The following ZPLD1 variants were observed in gnomAD, a reference collection of about 807,000 sequenced individuals.
ZPLD1 encodes the protein zona pellucida like domain containing 1.
Under a neutral mutation model 47.2 loss-of-function variants are expected in ZPLD1, and 34 were observed. That is an observed-to-expected ratio of 0.72 (90% CI 0.55 to 0.96). The LOEUF is 0.96. Ranked by LOEUF, ZPLD1 falls within the 40% of genes least tolerant of loss-of-function variation. The probability of loss-of-function intolerance (pLI) is 0.00; values close to 1 mark genes in which losing one functional copy is unlikely to be tolerated. For synonymous variants in ZPLD1, 176 were observed against 186.2 expected, an observed-to-expected ratio of 0.95 and a Z score of 0.45; for missense variants, 512 against 505.8, an observed-to-expected ratio of 1.01 and a Z score of -0.12.
intron 10 of ZPLD1, among the ~76,000 whole-genome samples, chr3:102,473,888 G>C (rs1010026296): frequency 1.3e-5 from 2 of 151,924 alleles, no homozygotes; most frequent in African/African-American, 2.4e-5. Context: ...AGGTCCTGTG[G>C]CCAATTTTAT....
intron 3 of ZPLD1, 99 bp from the exon 4 acceptor site, chr3:102,452,820 C>T: frequency 1.5e-6 from 2 of 1,336,732 alleles, no homozygotes; most frequent in Non-Finnish European, 2.0e-6. Context: ...ATGAGTTAAA[C>T]AGACAAAGGA....
At chr3:102,424,197 C>T (rs977204272) in intron 8 of ZPLD1, among the ~76,000 whole-genome samples, 3 of 152,122 alleles carry the variant, frequency 2.0e-5, no homozygotes, top group Non-Finnish European at 4.4e-5. Context: ...AGAGAAAACA[C>T]TATTGTTATA....
intron 9 of ZPLD1, 125 bp from the exon 10 acceptor site, chr3:102,470,269 C>A: frequency 1.4e-6 from 1 of 696,770 alleles, no homozygotes; most frequent in Non-Finnish European, 2.5e-6. Context: ...TAAATAAATG[C>A]ACGGAAGGAA....
intron 3 of ZPLD1, among the ~76,000 whole-genome samples, chr3:102,441,245 A>G (rs1707172687): frequency 6.6e-6 from 1 of 152,232 alleles, no homozygotes; most frequent in Admixed American, 6.5e-5. Flanking sequence ...TGAAATAACT[A>G]TGACAGGAAA....
intron 1 of ZPLD1, 105 bp from the exon 2 acceptor site, chr3:102,436,755 C>A: frequency 2.7e-6 from 1 of 368,292 alleles, no homozygotes; most frequent in Non-Finnish European, 3.8e-6. Flanking sequence ...AGTGTACATT[C>A]AGTAAATGTT....
At chr3:102,467,947 T>A (rs780820875) in intron 8 of ZPLD1, among the ~76,000 whole-genome samples, 3 of 151,646 alleles carry the variant, frequency 2.0e-5, no homozygotes, top group Non-Finnish European at 4.4e-5. Flanking sequence ...CCACTTTTCT[T>A]AATACATAAA....
chr3:102,441,788 G>T (rs1260371427), intron 3 of ZPLD1, among the ~76,000 whole-genome samples: 1 of 152,060 alleles, frequency 6.6e-6, no homozygotes, highest in African/African-American at 2.4e-5. Flanking sequence ...CAAGTAAGAG[G>T]ACTTGACAGG....
chr3:102,409,343 A>C (rs1027360530), intron 7 of ZPLD1, among the ~76,000 whole-genome samples: 1 of 151,768 alleles, frequency 6.6e-6, no homozygotes, highest in African/African-American at 2.4e-5. Flanking sequence ...TCTATTTATG[A>C]GGGCAGATCC....
chr3:102,471,159 C>T (rs1234143264), intron 10 of ZPLD1, among the ~76,000 whole-genome samples: 1 of 152,146 alleles, frequency 6.6e-6, no homozygotes, highest in Non-Finnish European at 1.5e-5. Context: ...AATTTGAGTG[C>T]GCTGCAGCCT....
At chr3:102,394,774 C>T (rs1706538009) in intron 7 of ZPLD1, among the ~76,000 whole-genome samples, 1 of 152,050 alleles carries the variant, frequency 6.6e-6, no homozygotes, top group South Asian at 2.1e-4. Context: ...GATTTGGTGT[C>T]ACATTTGCAA....
At chr3:102,420,236 T>A (rs543946587) in intron 8 of ZPLD1, among the ~76,000 whole-genome samples, 59 of 152,070 alleles carry the variant, frequency 3.9e-4, no homozygotes, top group African/African-American at 1.2e-3. Flanking sequence ...TTATTGCTAA[T>A]GGAAAATGGC....
chr3:102,431,495 A>G (rs1436013790), upstream of ZPLD1, among the ~76,000 whole-genome samples: 1 of 152,220 alleles, frequency 6.6e-6, no homozygotes, highest in Admixed American at 6.5e-5. Flanking sequence ...CTTTTAATAT[A>G]TATGTTGACT....
At chr3:102,441,590 T>C (rs1442901322) in intron 3 of ZPLD1, among the ~76,000 whole-genome samples, 1 of 152,114 alleles carries the variant, frequency 6.6e-6, no homozygotes, top group African/African-American at 2.4e-5. Context: ...AACCTAGAAA[T>C]CCTCTCTGCC....
At chr3:102,429,551 A>G (rs555097956) in intron 8 of ZPLD1, among the ~76,000 whole-genome samples, 3 of 152,162 alleles carry the variant, frequency 2.0e-5, no homozygotes, top group Admixed American at 1.3e-4. Context: ...TGGGGGGGAA[A>G]GTTATATAAT....
intron 6 of ZPLD1, among the ~76,000 whole-genome samples, chr3:102,388,865 G>A (rs1706464828): frequency 6.6e-6 from 1 of 152,126 alleles, no homozygotes; most frequent in South Asian, 2.1e-4. Context: ...TTTTGTCCAA[G>A]TGATAGATGT....
At chr3:102,391,964 AG>A (rs1170110893) in intron 6 of ZPLD1, among the ~76,000 whole-genome samples, 1 of 152,142 alleles carries the variant, frequency 6.6e-6, no homozygotes, top group Non-Finnish European at 1.5e-5. Flanking sequence ...ACATTTCTAA[AG>A]GGCCATTGAA....
intron 10 of ZPLD1, among the ~76,000 whole-genome samples, chr3:102,474,966 C>T (rs1401142913): frequency 6.6e-6 from 1 of 151,980 alleles, no homozygotes; most frequent in African/African-American, 2.4e-5. Context: ...CCTTTCAAGG[C>T]TATACAGTGC....
At chr3:102,438,674 G>T in intron 3 of ZPLD1, 81 bp downstream of exon 3, 1 of 990,196 alleles carries the variant, frequency 1.0e-6, no homozygotes, top group Non-Finnish European at 1.5e-6. Flanking sequence ...AAATATATAT[G>T]GAGAACGGGG....
intron 8 of ZPLD1, among the ~76,000 whole-genome samples, chr3:102,419,203 T>A (rs754974927): frequency 4.6e-5 from 7 of 152,000 alleles, no homozygotes; most frequent in Non-Finnish European, 7.4e-5. Flanking sequence ...TTTATCTTAA[T>A]ACATAATTGA....
Sources: allele counts gnomAD v4.1 joint callset (sites outside exome capture counted in the v4.1 genomes callset), GRCh38; gene constraint gnomAD v4.1.1; transcripts MANE v1.5; gene names NCBI Gene and HGNC (gene_info 2026-07-23, HGNC 2026-07-21).